CFAP70: variants seen among roughly 807,000 people sequenced by gnomAD.
The protein encoded by CFAP70 is cilia- and flagella-associated protein 70.
CFAP70 carries 81 observed loss-of-function variants against 137.6 expected under a neutral mutation model. The observed-to-expected ratio is 0.59, with a 90% CI of 0.49 to 0.71. The LOEUF (loss-of-function observed/expected upper bound fraction) is 0.71, where lower values mean the gene tolerates loss of function less well. Ranked by LOEUF, CFAP70 falls within the 30% of genes least tolerant of loss-of-function variation. The probability of loss-of-function intolerance (pLI) is 0.00; values close to 1 mark genes in which losing one functional copy is unlikely to be tolerated. For synonymous variants in CFAP70, 382 were observed against 423.6 expected (o/e 0.90, Z 1.20); for missense variants, 976 against 1,226.7 (o/e 0.80, Z 3.05).
intron 14 of CFAP70, 50 bp from the exon 16 acceptor site, chr10:73,297,223 T>A (rs2072628784): frequency 1.3e-6 from 2 of 1,575,492 alleles, no homozygotes; most frequent in South Asian, 2.4e-5. Context: ...AGCACCATGC[T>A]GAGAGCACGG....
chr10:73,342,722 T>C (rs1327997271), intron 5 of CFAP70, among the ~76,000 whole-genome samples: 1 of 151,342 alleles, frequency 6.6e-6, no homozygotes, highest in Non-Finnish European at 1.5e-5. Flanking sequence ...CTAGATAAAG[T>C]AGAATAGCAA....
intron 19 of CFAP70, among the ~76,000 whole-genome samples, chr10:73,290,368 G>A (rs939798154): frequency 6.6e-6 from 1 of 152,172 alleles, no homozygotes; most frequent in Non-Finnish European, 1.5e-5. Flanking sequence ...TATGATGATA[G>A]AAAGTAGACT....
At chr10:73,290,410 G>C (rs755829524) in intron 19 of CFAP70, among the ~76,000 whole-genome samples, 1 of 152,180 alleles carries the variant, frequency 6.6e-6, no homozygotes, top group Non-Finnish European at 1.5e-5. Context: ...GCAAGAGAAA[G>C]AGATGCCCAC....
At chr10:73,261,221 G>A (rs2045144695) in intron 25 of CFAP70, among the ~76,000 whole-genome samples, 1 of 151,762 alleles carries the variant, frequency 6.6e-6, no homozygotes, top group African/African-American at 2.4e-5. Flanking sequence ...CAACCTTCCA[G>A]GAAAAGGTGA....
chr10:73,270,134 A>C (rs1191204495), intron 24 of CFAP70, among the ~76,000 whole-genome samples: 1 of 152,084 alleles, frequency 6.6e-6, no homozygotes, highest in Non-Finnish European at 1.5e-5. Flanking sequence ...TACATTGTGC[A>C]TCCTTTTCTT....
intron 25 of CFAP70, among the ~76,000 whole-genome samples, chr10:73,264,095 C>T (rs746019498): frequency 2.0e-5 from 3 of 152,014 alleles, no homozygotes; most frequent in Non-Finnish European, 2.9e-5. Context: ...TTATTTTTTC[C>T]CTATGCTGTT....
chr10:73,300,326 T>C (rs1218207222), intron 12 of CFAP70, among the ~76,000 whole-genome samples: 1 of 152,160 alleles, frequency 6.6e-6, no homozygotes, highest in Non-Finnish European at 1.5e-5. Context: ...TTGCTAAATA[T>C]ATTATACTAC....
chr10:73,267,148 A>G (rs1038171775), intron 25 of CFAP70, among the ~76,000 whole-genome samples: 6 of 152,196 alleles, frequency 3.9e-5, no homozygotes, highest in Non-Finnish European at 8.8e-5. Flanking sequence ...TTAAAACATA[A>G]TATGTTATTT....
chr10:73,293,192 C>T, intron 16 of CFAP70, 71 bp downstream of exon 17: 1 of 1,490,724 alleles, frequency 6.7e-7, no homozygotes, highest in South Asian at 1.4e-5. Context: ...GGATTTTAAA[C>T]AATCAAAAAT....
intron 9 of CFAP70, among the ~76,000 whole-genome samples, chr10:73,318,321 G>A (rs1455992768): frequency 2.0e-5 from 3 of 152,204 alleles, no homozygotes; most frequent in Admixed American, 1.3e-4. Context: ...GCCATAGCCA[G>A]AGATATTTCC....
At chr10:73,333,744 GA>G (rs997875079) in intron 7 of CFAP70, among the ~76,000 whole-genome samples, 1 of 152,126 alleles carries the variant, frequency 6.6e-6, no homozygotes, top group African/African-American at 2.4e-5. Context: ...TGCCTTACAA[GA>G]AATGCTAAAA....
intron 12 of CFAP70, among the ~76,000 whole-genome samples, chr10:73,306,555 C>A (rs1192613953): frequency 1.3e-5 from 2 of 151,930 alleles, no homozygotes; most frequent in Non-Finnish European, 2.9e-5. Context: ...TATTTAAAGT[C>A]TGAAAGAAAA....
intron 19 of CFAP70, among the ~76,000 whole-genome samples, chr10:73,287,021 T>C (rs897858766): frequency 6.6e-6 from 1 of 152,236 alleles, no homozygotes; most frequent in African/African-American, 2.4e-5. Context: ...CTCATTCCAG[T>C]AAACTCACAA....
At chr10:73,354,223 CGT>C (rs1661437891) in intron 2 of CFAP70, among the ~76,000 whole-genome samples, 1 of 152,112 alleles carries the variant, frequency 6.6e-6, no homozygotes, top group African/African-American at 2.4e-5. Flanking sequence ...TATGGATGTA[CGT>C]GTGTGTACCC....
intron 5 of CFAP70, 61 bp from the exon 7 acceptor site, chr10:73,341,642 G>T: frequency 7.2e-7 from 1 of 1,394,730 alleles, no homozygotes; most frequent in Non-Finnish European, 1.0e-6. Flanking sequence ...TGGACAAGAA[G>T]ATTATTCAAG....
chr10:73,259,585 A>C (rs942039759), intron 25 of CFAP70, among the ~76,000 whole-genome samples: 7 of 152,144 alleles, frequency 4.6e-5, no homozygotes, highest in Non-Finnish European at 1.0e-4. Flanking sequence ...CCACAACTTT[A>C]AAGTTGGAAA....
intron 3 of CFAP70, among the ~76,000 whole-genome samples, chr10:73,350,353 G>C (rs2054088881): frequency 6.6e-6 from 1 of 152,160 alleles, no homozygotes; most frequent in African/African-American, 2.4e-5. Context: ...TAACCTGACA[G>C]ATGAAAATAG....
chr10:73,312,534 A>G (rs535829671), exon 10 of CFAP70: 2 of 1,613,068 alleles, frequency 1.2e-6, no homozygotes, highest in East Asian at 2.2e-5. Flanking sequence ...ATCTTCTTTC[A>G]GATTCTTAGA....
At chr10:73,344,620 C>T (rs1301545855) in intron 5 of CFAP70, among the ~76,000 whole-genome samples, 2 of 152,272 alleles carry the variant, frequency 1.3e-5, no homozygotes, top group South Asian at 4.1e-4. Context: ...ATAGAAGAAG[C>T]CTTTTAGCAA....
Sources: allele counts gnomAD v4.1 joint callset (sites outside exome capture counted in the v4.1 genomes callset), GRCh38; gene constraint gnomAD v4.1.1; transcripts MANE v1.5; gene names NCBI Gene and HGNC (gene_info 2026-07-23, HGNC 2026-07-21).